CSMD1: variants seen among roughly 807,000 people sequenced by gnomAD.
The protein encoded by CSMD1 is CUB and sushi domain-containing protein 1.
Under a neutral mutation model 417.5 loss-of-function variants are expected in CSMD1, and 213 were observed. The observed-to-expected ratio is 0.51, with a 90% CI of 0.46 to 0.57. The LOEUF (loss-of-function observed/expected upper bound fraction) is 0.57. CSMD1 is among the 20% of genes least tolerant of loss of function. The pLI is 0.00. For missense variants in CSMD1, 6,923 were observed against 4,529.7 expected (o/e 1.53, Z -15.17); for synonymous variants, 2,862 against 1,736.8 (o/e 1.65, Z -16.11).
intron 3 of CSMD1, among the ~76,000 whole-genome samples, chr8:4,151,429 G>A (rs1347652001): frequency 6.6e-6 from 1 of 152,118 alleles, no homozygotes; most frequent in Non-Finnish European, 1.5e-5. Context: ...TAAATTCTGA[G>A]ACATTTGTAA....
chr8:4,081,999 A>T (rs1221839184), intron 3 of CSMD1, among the ~76,000 whole-genome samples: 1 of 152,166 alleles, frequency 6.6e-6, no homozygotes, highest in Non-Finnish European at 1.5e-5. Context: ...TAATAGGAAA[A>T]AAATATATAA....
intron 3 of CSMD1, among the ~76,000 whole-genome samples, chr8:4,175,970 C>T (rs756633412): frequency 4.6e-5 from 7 of 152,138 alleles, no homozygotes; most frequent in South Asian, 2.1e-4. Flanking sequence ...AGCTGGGCTT[C>T]TCTCATTGTA....
chr8:4,369,884 C>A (rs546619776), intron 3 of CSMD1, among the ~76,000 whole-genome samples: 1 of 152,144 alleles, frequency 6.6e-6, no homozygotes, highest in South Asian at 2.1e-4. Context: ...GCTTCTTTAC[C>A]CAACTTTCCA....
At chr8:4,369,034 T>C (rs1220462663) in intron 3 of CSMD1, among the ~76,000 whole-genome samples, 7 of 152,234 alleles carry the variant, frequency 4.6e-5, no homozygotes, top group African/African-American at 7.2e-5. Flanking sequence ...CTAGGTTTGA[T>C]GTTAGGTTGC....
At chr8:4,279,239 C>A (rs575850546) in intron 3 of CSMD1, among the ~76,000 whole-genome samples, 1 of 152,266 alleles carries the variant, frequency 6.6e-6, no homozygotes, top group African/African-American at 2.4e-5. Context: ...GTCGATGGCA[C>A]AAGTGTGCAA....
intron 10 of CSMD1, among the ~76,000 whole-genome samples, chr8:3,555,823 T>C (rs1799118765): frequency 6.6e-6 from 1 of 152,168 alleles, no homozygotes; most frequent in Non-Finnish European, 1.5e-5. Flanking sequence ...AGACAAAATC[T>C]TCGGTGCCAA....
chr8:4,276,475 G>A (rs1175246287), intron 3 of CSMD1, among the ~76,000 whole-genome samples: 1 of 152,126 alleles, frequency 6.6e-6, no homozygotes, highest in East Asian at 1.9e-4. Context: ...GGCCTGTCAG[G>A]AGAAATACCT....
chr8:3,628,889 A>G (rs1796627790), intron 7 of CSMD1, among the ~76,000 whole-genome samples: 1 of 151,990 alleles, frequency 6.6e-6, no homozygotes, highest in African/African-American at 2.4e-5. Context: ...AAGATTATTC[A>G]AAACGAAGAC....
At chr8:4,975,143 G>T (rs1810475214) in intron 1 of CSMD1, among the ~76,000 whole-genome samples, 2 of 152,114 alleles carry the variant, frequency 1.3e-5, no homozygotes, top group South Asian at 4.1e-4. Context: ...TGACCTAGTG[G>T]TTCCAGCAAA....
chr8:3,294,605 A>T (rs1803825194), intron 25 of CSMD1, among the ~76,000 whole-genome samples: 1 of 152,156 alleles, frequency 6.6e-6, no homozygotes, highest in African/African-American at 2.4e-5. Context: ...CCGTGGGGGT[A>T]GGACCCTCTG....
chr8:4,923,183 C>G (rs1251510615), intron 1 of CSMD1, among the ~76,000 whole-genome samples: 3 of 152,072 alleles, frequency 2.0e-5, no homozygotes, highest in Non-Finnish European at 4.4e-5. Context: ...TAGATGACCA[C>G]TGTCATTTTC....
At chr8:3,177,807 C>T (rs1229114765) in intron 37 of CSMD1, among the ~76,000 whole-genome samples, 3 of 152,138 alleles carry the variant, frequency 2.0e-5, no homozygotes, top group African/African-American at 7.2e-5. Flanking sequence ...TCCTGTACAC[C>T]TTGAGGTCAG....
chr8:3,462,399 G>A (rs1816560918), intron 12 of CSMD1, among the ~76,000 whole-genome samples: 1 of 152,164 alleles, frequency 6.6e-6, no homozygotes, highest in Non-Finnish European at 1.5e-5. Flanking sequence ...CAGGAGGTGA[G>A]CAGCAGGCAA....
chr8:4,474,458 G>C (rs763223414), intron 2 of CSMD1, among the ~76,000 whole-genome samples: 1 of 152,190 alleles, frequency 6.6e-6, no homozygotes, highest in Non-Finnish European at 1.5e-5. Flanking sequence ...AGAATGGAGA[G>C]AGACTGAAAA....
chr8:3,627,494 A>G (rs569969861), intron 7 of CSMD1, among the ~76,000 whole-genome samples: 2 of 152,312 alleles, frequency 1.3e-5, no homozygotes, highest in South Asian at 4.1e-4. Context: ...TTTTATTTAT[A>G]TAACCTCACC....
chr8:3,238,300 C>T (rs1197920337), intron 26 of CSMD1, among the ~76,000 whole-genome samples: 1 of 151,936 alleles, frequency 6.6e-6, no homozygotes, highest in Non-Finnish European at 1.5e-5. Context: ...ATTTTCACTT[C>T]TTTTGTGGTG....
At chr8:4,195,976 C>G (rs1415460012) in intron 3 of CSMD1, among the ~76,000 whole-genome samples, 2 of 151,956 alleles carry the variant, frequency 1.3e-5, no homozygotes, top group African/African-American at 4.8e-5. Flanking sequence ...CTTTGGGGCA[C>G]CGAGGTGAGC....
chr8:3,438,651 A>G (rs1004767726), intron 12 of CSMD1, among the ~76,000 whole-genome samples: 4 of 152,166 alleles, frequency 2.6e-5, no homozygotes, highest in Admixed American at 1.3e-4. Flanking sequence ...TGCATCTTCA[A>G]TGACATTTGG....
intron 11 of CSMD1, among the ~76,000 whole-genome samples, chr8:3,469,867 T>G (rs1294650099): frequency 6.6e-6 from 1 of 152,244 alleles, no homozygotes; most frequent in African/African-American, 2.4e-5. Flanking sequence ...GCTGTGTGGT[T>G]AACTAAATAT....
Sources: allele counts gnomAD v4.1 joint callset (sites outside exome capture counted in the v4.1 genomes callset), GRCh38; gene constraint gnomAD v4.1.1; transcripts MANE v1.5; gene names NCBI Gene and HGNC (gene_info 2026-07-23, HGNC 2026-07-21).